ANKRD30B: variants seen among roughly 807,000 people sequenced by gnomAD.
The protein encoded by ANKRD30B is ankyrin repeat domain 30B, also known as ankyrin repeat domain-containing protein 30B.
A neutral mutation model predicts 202.2 loss-of-function variants in ANKRD30B; 144 were observed. That is an observed-to-expected ratio of 0.71 (90% CI 0.62 to 0.82). ANKRD30B has a LOEUF of 0.82. ANKRD30B is among the 40% of genes least tolerant of loss of function. The pLI is 0.00. For missense variants in ANKRD30B, 1,487 were observed against 1,669.1 expected, an observed-to-expected ratio of 0.89 and a Z score of 1.90; for synonymous variants, 508 against 561.3, an observed-to-expected ratio of 0.91 and a Z score of 1.34.
At chr18:14,910,907 G>A in the ANKRD30B span, among the ~76,000 whole-genome samples, 6 of 151,994 alleles carry the variant, frequency 3.9e-5, no homozygotes, top group Non-Finnish European at 4.4e-5. Flanking sequence ...CGTGTTTCTT[G>A]GCAACTTGTA....
In ANKRD30B at chr18:14,760,605, A is replaced by G; in HGVS notation, c.807A>G (p.Gln269=). 6 of 1,536,430 alleles carry G rather than the reference A, an allele frequency of 3.9e-6. No homozygotes were observed. Among genetic ancestry groups the G allele is most frequent in the Non-Finnish European group, 4.4e-6 (5 of 1,138,180 alleles). Residue 269 remains glutamine (Q), a synonymous_variant, in exon 6 of 44, where the codon CAA becomes CAG. Coordinates refer to ENST00000690538, the MANE Select transcript of ANKRD30B (RefSeq NM_001367607.2). Reference sequence around the variant, plus strand: ...TACGAAAATTACCTAAAAATCCTCAAAATACCAATCCAGGTAAGACTTCGG... The same window carrying G: ...TACGAAAATTACCTAAAAATCCTCAGAATACCAATCCAGGTAAGACTTCGG... ...EHIRKLPKNP[Q]NTNPEGTSTG...
chr18:14,780,861 T>C (rs373094527), intron 11 of ANKRD30B, among the ~76,000 whole-genome samples: 1 of 149,402 alleles, frequency 6.7e-6, no homozygotes, highest in Non-Finnish European at 1.5e-5. Flanking sequence ...GGACAATTTG[T>C]TTGAGTAGTG....
At chr18:14,758,589 A>C (rs1914750054) in intron 5 of ANKRD30B, among the ~76,000 whole-genome samples, 1 of 152,200 alleles carries the variant, frequency 6.6e-6, no homozygotes, top group African/African-American at 2.4e-5. Context: ...CATTGTTTCC[A>C]AAGTACCAGC....
At chr18:14,816,323 G>A (rs1356458165) in intron 30 of ANKRD30B, 1 of 151,610 alleles carries the variant, frequency 6.6e-6, no homozygotes, top group Non-Finnish European at 1.5e-5. Context: ...TTATTTTTTT[G>A]TTCAGCGATT....
intron 18 of ANKRD30B, among the ~76,000 whole-genome samples, chr18:14,796,891 G>T (rs1246329921): frequency 1.5e-4 from 23 of 152,252 alleles, no homozygotes; most frequent in African/African-American, 4.8e-4. Flanking sequence ...AAGTAATTCT[G>T]TAACTAACAT....
the ANKRD30B span, among the ~76,000 whole-genome samples, chr18:14,906,636 A>G: frequency 6.6e-6 from 1 of 152,050 alleles, no homozygotes; most frequent in Non-Finnish European, 1.5e-5. Flanking sequence ...TTGCACACAC[A>G]CTTCTCCAGC....
the ANKRD30B span, among the ~76,000 whole-genome samples, chr18:14,866,159 T>C: frequency 6.6e-6 from 1 of 152,260 alleles, no homozygotes; most frequent in East Asian, 1.9e-4. Flanking sequence ...ACGTGCATGC[T>C]GAGGAGGCCT....
chr18:14,849,646 A>G (rs1487934405), intron 40 of ANKRD30B, among the ~76,000 whole-genome samples: 3 of 151,720 alleles, frequency 2.0e-5, no homozygotes, highest in African/African-American at 4.8e-5. Flanking sequence ...TGAAAAATAT[A>G]TAATACTCAA....
chr18:14,796,689 C>G (rs1598634464), intron 18 of ANKRD30B, among the ~76,000 whole-genome samples: 1 of 151,816 alleles, frequency 6.6e-6, no homozygotes, highest in South Asian at 2.1e-4. Context: ...GGTGGATCGG[C>G]AGGTTGAGAC....
downstream of ANKRD30B, among the ~76,000 whole-genome samples, chr18:14,856,298 C>A (rs62088970): frequency 0.3 from 25,606 of 84,840 alleles, 1,876 homozygotes; most frequent in African/African-American, 0.32. Flanking sequence ...ACTCCCCATT[C>A]CCAGATGGGG....
intron 15 of ANKRD30B, among the ~76,000 whole-genome samples, chr18:14,788,621 AC>A (rs1968251406): frequency 6.7e-6 from 1 of 148,670 alleles, no homozygotes; most frequent in Admixed American, 6.8e-5. Flanking sequence ...TTCAATTCCC[AC>A]CTATGAGTGA....
At chr18:14,789,418 G>T (rs1176774082) in intron 15 of ANKRD30B, among the ~76,000 whole-genome samples, 15 of 152,082 alleles carry the variant, frequency 9.9e-5, no homozygotes, top group East Asian at 5.8e-4. Context: ...GTCAATTTTG[G>T]CTTTTGTTGC....
intron 14 of ANKRD30B, 123 bp downstream of exon 14, chr18:14,784,658 C>A: frequency 2.8e-6 from 3 of 1,071,298 alleles, no homozygotes; most frequent in Non-Finnish European, 3.9e-6. Context: ...TAGATAATGC[C>A]AATACTGGTA....
chr18:14,828,244 T>G, intron 32 of ANKRD30B, 34 bp from the exon 33 acceptor site: 9 of 1,450,390 alleles, frequency 6.2e-6, no homozygotes, highest in Non-Finnish European at 8.4e-6. Context: ...TTTATATTTG[T>G]TGATTTAATG....
the ANKRD30B span, among the ~76,000 whole-genome samples, chr18:14,937,403 A>C: frequency 8.1e-6 from 1 of 122,896 alleles, no homozygotes; most frequent in African/African-American, 3.0e-5. Context: ...TCATATAAGC[A>C]AAAGAACAGC....
At chr18:14,916,918 C>T in the ANKRD30B span, among the ~76,000 whole-genome samples, 1 of 152,154 alleles carries the variant, frequency 6.6e-6, no homozygotes, top group Non-Finnish European at 1.5e-5. Flanking sequence ...GGCTAAAGTC[C>T]CCACAGGAAA....
the ANKRD30B span, among the ~76,000 whole-genome samples, chr18:14,883,043 G>A: frequency 1.0e-5 from 1 of 99,418 alleles, no homozygotes; most frequent in Non-Finnish European, 2.4e-5. Context: ...AGCCCCAGTT[G>A]TGCATAGCAG....
chr18:14,800,425 C>T (rs371061683), intron 22 of ANKRD30B, among the ~76,000 whole-genome samples: 2 of 151,326 alleles, frequency 1.3e-5, no homozygotes, highest in Non-Finnish European at 2.9e-5. Context: ...CCCAGGTTCA[C>T]GCCATTCTCC....
rs1970482792 is a variant in ANKRD30B, at chr18:14,822,683, T to C, written c.2743+6T>C. Reference sequence around the variant, plus strand: ...CAGAGAAACATTCAAAGCAGGTAAATTTTGTAATTTTAATTTTACTGTGGA... The same window carrying C: ...CAGAGAAACATTCAAAGCAGGTAAACTTTGTAATTTTAATTTTACTGTGGA... On this transcript the variant is annotated splice_donor_region_variant and intron_variant, in intron 32 of 43. Transcript: ENST00000690538. 7.6e-7 allele frequency: 1 copy of C among 1,313,358 alleles called. No individual in the cohort carries two copies. Among genetic ancestry groups the C allele is most frequent in the South Asian group, 1.4e-5 (1 of 70,280 alleles). 81.4% of individuals were successfully genotyped at this position (1,313,358 alleles called of 1,614,324 possible).
Sources: gnomAD v4.1 joint callset for allele counts (sites outside exome capture counted in the v4.1 genomes callset) on GRCh38, gnomAD v4.1.1 for gene constraint, MANE v1.5 for transcripts, NCBI Gene and HGNC (gene_info 2026-07-23, HGNC 2026-07-21) for gene names.